The following YBX1 variants were observed in gnomAD, a reference collection of about 807,000 sequenced individuals.
YBX1 encodes the protein Y-box-binding protein 1.
YBX1 carries 3 observed loss-of-function variants against 41.4 expected under a neutral mutation model. The observed-to-expected ratio is 0.07, with a 90% CI of 0.03 to 0.19. YBX1 has a LOEUF of 0.19. YBX1 is among the 10% of genes least tolerant of loss of function. YBX1 has a pLI of 1.00. For missense variants in YBX1, 274 were observed against 462.8 expected, an observed-to-expected ratio of 0.59 and a Z score of 3.74; for synonymous variants, 133 against 165.8, an observed-to-expected ratio of 0.80 and a Z score of 1.52.
Position 42,700,875 on chromosome 1 carries a change from C to G in YBX1, c.835C>G (p.Arg279Gly). ...GACCCAAGGTCAGCAGCCACCTCAA[C>G]GTCGGTACCGCCGCAACTTCAATTA... ...DETQGQQPPQ[R>G]RYRRNFNYRR... The change falls in exon 7 of 8, where the codon CGT becomes GGT. Residue 279 changes from arginine (R) to glycine (G), a missense_variant. Arg to Gly is a moderately radical substitution (Grantham distance 125). Coordinates refer to ENST00000321358, the MANE Select transcript of YBX1 (RefSeq NM_004559.5). The G allele has an allele frequency of 1.9e-6, 3 of 1,613,908 alleles. No homozygotes were observed. The highest frequency in any genetic ancestry group is 2.5e-6 in the Non-Finnish European group (3 of 1,179,934).
chr1:42,686,329 T>C (rs889259076), intron 2 of YBX1, among the ~76,000 whole-genome samples: 2 of 151,844 alleles, frequency 1.3e-5, no homozygotes, highest in African/African-American at 4.9e-5. Context: ...TTAAAGGAAT[T>C]GGGATTAATT....
chr1:42,690,887 C>G (rs1006918199), intron 2 of YBX1, among the ~76,000 whole-genome samples: 2 of 152,158 alleles, frequency 1.3e-5, no homozygotes, highest in Non-Finnish European at 2.9e-5. Context: ...GATGGGGGAG[C>G]TAGAGCTTAC....
intron 6 of YBX1, among the ~76,000 whole-genome samples, chr1:42,699,618 GTT>G: frequency 7.8e-6 from 1 of 128,464 alleles, no homozygotes; most frequent in East Asian, 2.1e-4. Flanking sequence ...AATGAGGGTT[GTT>G]TTTTTTTTTT....
chr1:42,691,366 T>C (rs991203149), intron 2 of YBX1, among the ~76,000 whole-genome samples: 8 of 152,206 alleles, frequency 5.3e-5, no homozygotes, highest in African/African-American at 1.9e-4. Flanking sequence ...TTGTGCTTTC[T>C]CTGTGCAGAG....
In YBX1 at chr1:42,682,418, A is replaced by G. The variant is rs1409784932; in HGVS notation, c.-148A>G. On this transcript the variant is annotated 5_prime_UTR_variant, in exon 1 of 8. Transcript: ENST00000321358. Reference sequence around the variant, plus strand: ...TAGGGCTTATCCCGCCTGTCCCGCCATTCTCGCTAGTTCGATCGGTAGCGG... The same window carrying G: ...TAGGGCTTATCCCGCCTGTCCCGCCGTTCTCGCTAGTTCGATCGGTAGCGG... 9.6e-6 allele frequency: 10 copies of G among 1,044,990 alleles called. No homozygotes were observed. The highest frequency in any genetic ancestry group is 1.0e-5 in the Non-Finnish European group (8 of 797,780). 64.7% of individuals were successfully genotyped at this position (1,044,990 alleles called of 1,614,324 possible).
chr1:42,703,650 G>C lies in YBX1; in HGVS notation c.*1701G>C, dbSNP rs75991843. ...ACAACTGCAGACGCACACAGTCCCT[G>C]ACTTAAACAGTGGTTTGACTTAGGG... is the stretch of plus-strand genomic sequence containing the variant. On this transcript the variant is annotated 3_prime_UTR_variant, in exon 8 of 8. Transcript: ENST00000321358. Among the ~76,000 whole-genome samples, 1 of 152,130 alleles carries C rather than the reference G, an allele frequency of 6.6e-6. No individual in the cohort carries two copies. Among genetic ancestry groups the C allele is most frequent in the Non-Finnish European group, 1.5e-5 (1 of 68,034 alleles).
Position 42,697,241 on chromosome 1 carries a change from G to T in YBX1, c.719G>T (p.Gly240Val). ...CCAGTGAGGCAGAATATGTATCGGG[G>T]ATATAGACCACGATTCCGCAGGTAT... ...GRPVRQNMYR[G>V]YRPRFRRGPP... is the part of the protein sequence containing the mutation. Residue 240 changes from glycine (G) to valine (V), a missense_variant, in exon 6 of 8, where the codon GGA becomes GTA. By Grantham distance (109) the Gly-to-Val change is moderately radical. Transcript: ENST00000321358. 3.7e-6 allele frequency: 6 copies of T among 1,613,862 alleles called. No homozygotes were observed. Among genetic ancestry groups the T allele is most frequent in the Non-Finnish European group, 5.1e-6 (6 of 1,179,946 alleles).
At chr1:42,697,944 C>T (rs1201661725) in intron 6 of YBX1, among the ~76,000 whole-genome samples, 1 of 152,120 alleles carries the variant, frequency 6.6e-6, no homozygotes, top group Non-Finnish European at 1.5e-5. Context: ...AGTTGTTTCT[C>T]TAAGGGTTTG....
intron 2 of YBX1, 92 bp downstream of exon 2, chr1:42,683,558 G>A: frequency 6.9e-7 from 1 of 1,457,246 alleles, no homozygotes; most frequent in Non-Finnish European, 9.5e-7. Context: ...CCAATCCACA[G>A]CTCTGTTCTG....
At chr1:42,700,589 A>G (rs1570425614) in intron 6 of YBX1, among the ~76,000 whole-genome samples, 192 bp from the exon 7 acceptor site, 1 of 125,952 alleles carries the variant, frequency 7.9e-6, no homozygotes. Context: ...ACAAAGCAAG[A>G]CTCTTCCCCC....
At chr1:42,700,741 A>C (rs749494038) in intron 6 of YBX1, 40 bp from the exon 7 acceptor site, 1 of 1,207,958 alleles carries the variant, frequency 8.3e-7, no homozygotes, top group South Asian at 1.8e-5. Context: ...TTGAAGAGAG[A>C]AGGTTTTATC....
In YBX1 at chr1:42,696,494, C is replaced by T; in HGVS notation, c.355-148C>T. On this transcript the variant is annotated intron_variant, in intron 4 of 7. Coordinates refer to ENST00000321358, the MANE Select transcript of YBX1 (RefSeq NM_004559.5). The surrounding 1 kb of genome is among the most constrained non-coding windows in gnomAD (Gnocchi z 5.7). ...TGATATTTAGTCATTTCTGTGCACC[C>T]CTGGTCACGCAGTTGCGCCCCCCCC... 1 of 978,614 alleles carries T rather than the reference C, an allele frequency of 1.0e-6. No individual in the cohort carries two copies. Among genetic ancestry groups the T allele is most frequent in the Non-Finnish European group, 1.5e-6 (1 of 671,762 alleles). The allele number at this position is 978,614 out of a possible 1,614,324, so 60.6% of individuals were successfully genotyped here.
chr1:42,691,756 TAAAC>T (rs1413683838), intron 2 of YBX1, among the ~76,000 whole-genome samples: 1 of 152,200 alleles, frequency 6.6e-6, no homozygotes, highest in Non-Finnish European at 1.5e-5. Flanking sequence ...CAGATAACAA[TAAAC>T]AAATTTACTT....
intron 2 of YBX1, among the ~76,000 whole-genome samples, chr1:42,683,704 G>C (rs879574132): frequency 6.6e-6 from 1 of 152,208 alleles, no homozygotes; most frequent in Non-Finnish European, 1.5e-5. Context: ...AAAAGGCTTC[G>C]TCACAGTACA....
chr1:42,700,684 G>A lies in YBX1; in HGVS notation c.741-97G>A, dbSNP rs1256719105. The A allele has an allele frequency of 2.6e-6, 3 of 1,141,826 alleles. No individual in the cohort carries two copies. The African/African-American group carries it at 5.0e-5, about 19-fold the overall frequency. The allele number at this position is 1,141,826 out of a possible 1,614,324, so 70.7% of individuals were successfully genotyped here. A position where few individuals can be genotyped will look rare whatever the true frequency, so the allele number is the denominator to read the frequency against. ...AGACCACTTGATACAGAATGGGCCA[G>A]ACATGGTGAGTTAGTTGTGAACCAA... On this transcript the variant is annotated intron_variant, in intron 6 of 7. Coordinates refer to ENST00000321358, the MANE Select transcript of YBX1 (RefSeq NM_004559.5).
chr1:42,694,031 G>GT lies in YBX1; in HGVS notation c.264+522dup, dbSNP rs1271154223. Among the ~76,000 whole-genome samples the GT allele has an allele frequency of 3.4e-3, 499 of 145,482 alleles. 2 individuals are homozygous for GT. Among genetic ancestry groups the GT allele is most frequent in the East Asian group, 6.0e-3 (30 of 4,978 alleles). ...TTAAATCACTTTGAATGGGTATTGG[G>GT]TTTTTTTTTTTTTTAAACCTTTGGA... On this transcript the variant is annotated intron_variant, in intron 3 of 7. Transcript: ENST00000321358.
At chr1:42,694,406 A>G (rs913407121) in intron 3 of YBX1, among the ~76,000 whole-genome samples, 19 of 124,464 alleles carry the variant, frequency 1.5e-4, no homozygotes, top group Non-Finnish European at 2.6e-4. Context: ...TGTTTGTGCT[A>G]TCAGTTTTCT....
intron 1 of YBX1, chr1:42,683,191 C>A: frequency 1.5e-6 from 1 of 672,036 alleles, no homozygotes; most frequent in Non-Finnish European, 2.7e-6. Context: ...GGGCCCGCGC[C>A]CCGGGCCTGC....
intron 2 of YBX1, among the ~76,000 whole-genome samples, 177 bp downstream of exon 2, chr1:42,683,643 A>T (rs1020777260): frequency 3.9e-5 from 6 of 152,186 alleles, no homozygotes; most frequent in Non-Finnish European, 7.3e-5. Flanking sequence ...GGATTAGTGG[A>T]TCTAGAGAAT....
Sources: allele counts gnomAD v4.1 joint callset (sites outside exome capture counted in the v4.1 genomes callset), GRCh38; gene constraint gnomAD v4.1.1; non-coding constraint Gnocchi (gnomAD v3.1); transcripts MANE v1.5; gene names NCBI Gene and HGNC (gene_info 2026-07-23, HGNC 2026-07-21).